ADCY1: variants seen among roughly 807,000 people sequenced by gnomAD.
ADCY1 encodes the protein adenylate cyclase type 1.
A neutral mutation model predicts 105.4 loss-of-function variants in ADCY1; 28 were observed. The ratio of observed to expected loss-of-function variants is 0.27; its 90% CI spans 0.20 to 0.36. The LOEUF (loss-of-function observed/expected upper bound fraction) is 0.36, where lower values mean the gene tolerates loss of function less well. Ranked by LOEUF, ADCY1 falls within the 10% of genes least tolerant of loss-of-function variation. The probability of loss-of-function intolerance (pLI) is 1.00; values close to 1 mark genes in which losing one functional copy is unlikely to be tolerated. For synonymous variants in ADCY1, 655 were observed against 623.8 expected (o/e 1.05, Z -0.75); for missense variants, 977 against 1,434.2 (o/e 0.68, Z 5.15).
intron 1 of ADCY1, among the ~76,000 whole-genome samples, chr7:45,577,934 G>A (rs1490666996): frequency 6.6e-6 from 1 of 152,216 alleles, no homozygotes; most frequent in Non-Finnish European, 1.5e-5. Context: ...CTGAGGCCTG[G>A]GTTCAAGTCC....
Position 45,720,219 on chromosome 7 carries a change from C to T in ADCY1, c.*6224C>T, listed in dbSNP as rs930406242. ...GGACTGGGAAAAACATCTTTGAAATCAGGAAATCAGGCCGGGCGCAGTGGC... is the reference window on the plus strand; with the variant it reads ...GGACTGGGAAAAACATCTTTGAAATTAGGAAATCAGGCCGGGCGCAGTGGC... On this transcript the variant is annotated 3_prime_UTR_variant, in exon 20 of 20. Transcript: ENST00000297323. 2.0e-5 allele frequency: 3 copies of T among 152,220 alleles called. No homozygotes were observed. The East Asian group carries it at 5.8e-4, about 29-fold the overall frequency. 9.4% of individuals were successfully genotyped at this position (152,220 alleles called of 1,614,324 possible). A position where few individuals can be genotyped will look rare whatever the true frequency, so the allele number is the denominator to read the frequency against.
At chr7:45,667,493 T>C (rs572414331) in intron 8 of ADCY1, among the ~76,000 whole-genome samples, 9 of 152,250 alleles carry the variant, frequency 5.9e-5, no homozygotes, top group Non-Finnish European at 1.3e-4. Flanking sequence ...TCTATAACTC[T>C]GTTTTGGTAC....
chr7:45,709,936 C>T (rs1314494890), intron 18 of ADCY1, among the ~76,000 whole-genome samples: 1 of 152,254 alleles, frequency 6.6e-6, no homozygotes, highest in African/African-American at 2.4e-5. Context: ...TGGGTTGTCA[C>T]GATGCTGTCC....
chr7:45,670,688 C>T (rs1307763265), intron 8 of ADCY1, among the ~76,000 whole-genome samples: 1 of 151,958 alleles, frequency 6.6e-6, no homozygotes, highest in Non-Finnish European at 1.5e-5. Context: ...TGCCCATCAG[C>T]CCTGACCACA....
chr7:45,640,912 T>A (rs1794511819), intron 4 of ADCY1, among the ~76,000 whole-genome samples: 1 of 152,228 alleles, frequency 6.6e-6, no homozygotes, highest in South Asian at 2.1e-4. Context: ...TTTATTTCCA[T>A]GCTTGTGGGG....
intron 5 of ADCY1, among the ~76,000 whole-genome samples, chr7:45,656,959 G>A (rs1794958334): frequency 6.6e-6 from 1 of 152,232 alleles, no homozygotes; most frequent in African/African-American, 2.4e-5. Context: ...GGAGCTGGGT[G>A]TATACACGAG....
intron 11 of ADCY1, among the ~76,000 whole-genome samples, chr7:45,681,014 C>T (rs1248133684): frequency 6.6e-6 from 1 of 152,248 alleles, no homozygotes; most frequent in African/African-American, 2.4e-5. Flanking sequence ...ACGAGAGCCT[C>T]CCAAGCCAGG....
At chr7:45,678,343 C>A in intron 10 of ADCY1, 80 bp downstream of exon 10, 1 of 1,386,178 alleles carries the variant, frequency 7.2e-7, no homozygotes. Context: ...TTCTGGGGTT[C>A]GTGGTTGTGT....
rs575118709 is a variant in ADCY1 at position 45,640,724 on chromosome 7, T to A, written c.1021-7946T>A. Among the ~76,000 whole-genome samples the A allele has an allele frequency of 3.3e-5, 5 of 152,358 alleles. No homozygotes were observed. In the East Asian group the frequency reaches 9.6e-4, roughly 29 times the overall value. On this transcript the variant is annotated intron_variant, in intron 4 of 19. Coordinates refer to ENST00000297323, the MANE Select transcript of ADCY1 (RefSeq NM_021116.4). Reference sequence around the variant, plus strand: ...CTCAGGGACATATGTTAAGATGTTATCTTTATTTTCTATAGGGGACCAAAC... The same window carrying A: ...CTCAGGGACATATGTTAAGATGTTAACTTTATTTTCTATAGGGGACCAAAC...
rs1417611781 is a variant in ADCY1 at position 45,574,800 on chromosome 7, C to T, written c.257C>T (p.Pro86Leu). ...ALAELLGAPG[P>L]APGLAKGSHP... ...GCCGAGCTGCTGGGCGCGCCGGGGC[C>T]CGCGCCCGGCCTGGCCAAGGGCTCA... The change falls in exon 1 of 20, where the codon CCC (proline) becomes CTC (leucine). Residue 86 changes from proline (P) to leucine (L), a missense_variant. Around this residue, in one of 7 missense-constraint regions of ADCY1, gnomAD observed 209 missense variants for 222.5 expected, o/e 0.94. Coordinates refer to ENST00000297323, the MANE Select transcript of ADCY1 (RefSeq NM_021116.4). This position sits in a 1 kb window ranked among gnomAD's most constrained non-coding sequence, Gnocchi z 7.0. The T allele has an allele frequency of 6.4e-7, 1 of 1,569,754 alleles. No homozygotes were observed. Among genetic ancestry groups the T allele is most frequent in the Non-Finnish European group, 8.6e-7 (1 of 1,164,526 alleles).
At chr7:45,706,492 CA>C (rs58794109) in intron 17 of ADCY1, among the ~76,000 whole-genome samples, 93 of 59,454 alleles carry the variant, frequency 1.6e-3, no homozygotes, top group South Asian at 9.0e-3. Flanking sequence ...ACATCACATG[CA>C]AAAAAAAAAA....
chr7:45,644,751 A>G (rs1794615760), intron 4 of ADCY1, among the ~76,000 whole-genome samples: 1 of 152,202 alleles, frequency 6.6e-6, no homozygotes, highest in African/African-American at 2.4e-5. Flanking sequence ...GACTTTCCAT[A>G]TTTATACAAA....
intron 3 of ADCY1, among the ~76,000 whole-genome samples, chr7:45,614,934 G>A (rs74410586): frequency 0.023 from 3,442 of 152,252 alleles, 99 homozygotes; most frequent in South Asian, 0.13. Context: ...AATAATAGGC[G>A]ACTTCAGTAG....
At chr7:45,626,717 T>G (rs1162068203) in intron 4 of ADCY1, among the ~76,000 whole-genome samples, 1 of 152,196 alleles carries the variant, frequency 6.6e-6, no homozygotes, top group Non-Finnish European at 1.5e-5. Context: ...ATTTTCTAGT[T>G]TCTAGGAACA....
At chr7:45,654,191 TACCC>T (rs1263865550) in intron 5 of ADCY1, among the ~76,000 whole-genome samples, 3 of 152,188 alleles carry the variant, frequency 2.0e-5, no homozygotes, top group African/African-American at 7.2e-5. Context: ...TGGTTCTGTG[TACCC>T]ATAGGAATGT....
intron 2 of ADCY1, among the ~76,000 whole-genome samples, chr7:45,597,803 G>A (rs1025085608): frequency 3.9e-5 from 6 of 152,216 alleles, no homozygotes; most frequent in African/African-American, 1.4e-4. Context: ...CTGGAGAAGG[G>A]TGGGGTGGGG....
At position 45,719,841 on chromosome 7, in the gene ADCY1, A is replaced by G. The variant is rs1404191012; in HGVS notation, c.*5846A>G. ...TGATTTCCCTCAGAAAATCCTTGTT[A>G]TTAGAGGAGAAGGTCTGGGCAGGGG... On this transcript the variant is annotated 3_prime_UTR_variant, in exon 20 of 20. Coordinates refer to ENST00000297323, the MANE Select transcript of ADCY1 (RefSeq NM_021116.4). The G allele has an allele frequency of 6.6e-6, 1 of 152,234 alleles. No homozygotes were observed. Among genetic ancestry groups the G allele is most frequent in the Non-Finnish European group, 1.5e-5 (1 of 68,044 alleles). 9.4% of individuals were successfully genotyped at this position (152,234 alleles called of 1,614,324 possible). A position where few individuals can be genotyped will look rare whatever the true frequency, so the allele number is the denominator to read the frequency against.
chr7:45,655,313 C>T (rs1040516580), intron 5 of ADCY1, among the ~76,000 whole-genome samples: 3 of 152,190 alleles, frequency 2.0e-5, no homozygotes, highest in African/African-American at 7.2e-5. Context: ...CTCAGAGGAC[C>T]AAGGTCAGGG....
intron 2 of ADCY1, among the ~76,000 whole-genome samples, chr7:45,594,030 C>A (rs113206139): frequency 2.0e-5 from 3 of 152,232 alleles, no homozygotes; most frequent in African/African-American, 7.2e-5. Flanking sequence ...TGCCTCTGTA[C>A]ATGTGTGCAT....
Sources: allele counts gnomAD v4.1 joint callset (sites outside exome capture counted in the v4.1 genomes callset), GRCh38; gene constraint gnomAD v4.1.1; regional missense constraint gnomAD v4.1.1; non-coding constraint Gnocchi (gnomAD v3.1); transcripts MANE v1.5; gene names NCBI Gene and HGNC (gene_info 2026-07-23, HGNC 2026-07-21).